The following C16orf90 variants were observed in gnomAD, a reference collection of about 807,000 sequenced individuals.
The protein encoded by C16orf90 is uncharacterized protein C16orf90.
Under a neutral mutation model 17.1 loss-of-function variants are expected in C16orf90, and 17 were observed. The ratio of observed to expected loss-of-function variants is 1.00; its 90% CI spans 0.68 to 1.49. The LOEUF is 1.49. Among genes scored for constraint, C16orf90 ranks in the 40% most tolerant of loss-of-function variants. The probability of loss-of-function intolerance (pLI) is 0.00; values close to 1 mark genes in which losing one functional copy is unlikely to be tolerated. For missense variants in C16orf90, 255 were observed against 235.5 expected (o/e 1.08, Z -0.54); for synonymous variants, 108 against 95.8 (o/e 1.13, Z -0.75).
chr16:3,493,950 G>A lies in C16orf90; in HGVS notation c.438C>T (p.Leu146=), dbSNP rs2037266312. The A allele has an allele frequency of 6.2e-7, 1 of 1,610,966 alleles. No individual in the cohort carries two copies. The highest frequency in any genetic ancestry group is 1.3e-5 in the African/African-American group (1 of 75,022). The change falls in exon 3 of 3, where the codon CTC becomes CTT. Residue 146 remains leucine (L), a synonymous_variant. Transcript: ENST00000437192. ...SSSMDPDKGA[L]PQPSPSRLRP... is the part of the protein sequence containing the mutation. ...TGAGCCTAGAAGGACTAGGCTGGGG[G>A]AGGGCACCCTTGTCTGGGTCCATGC...
chr16:3,494,968 A>G, intron 1 of C16orf90, 91 bp from the exon 2 acceptor site: 6 of 991,258 alleles, frequency 6.1e-6, no homozygotes, highest in Non-Finnish European at 2.9e-6. Context: ...ACCAGCTCAC[A>G]TGATGGGCTA....
chr16:3,494,915 C>T lies in C16orf90; in HGVS notation c.47-38G>A. The T allele has an allele frequency of 7.8e-6, 11 of 1,415,526 alleles. No individual in the cohort carries two copies. The South Asian group carries it at 1.3e-4, about 16-fold the overall frequency. The allele number at this position is 1,415,526 out of a possible 1,614,324, so 87.7% of individuals were successfully genotyped here. The stretch of plus-strand genomic sequence containing the variant: ...CAGCGGGAGGGTGGTGGCCAGCCCC[C>T]CACAGCAGCCATGAGGGGAGGGTGC... On this transcript the variant is annotated intron_variant, in intron 1 of 2. Transcript: ENST00000437192.
chr16:3,494,132 C>T lies in C16orf90; in HGVS notation c.401-145G>A, dbSNP rs1377187190. ...GCAATGCTTCCTCCTTAACAGAATC[C>T]CCAGGGGAGGGAGGAGGTTGAGGGA... is the stretch of plus-strand genomic sequence containing the variant. On this transcript the variant is annotated intron_variant, in intron 2 of 2. Transcript: ENST00000437192. The T allele has an allele frequency of 1.0e-5, 7 of 702,390 alleles. No homozygotes were observed. In the African/African-American group the frequency reaches 1.3e-4, roughly 13 times the overall value. The allele number at this position is 702,390 out of a possible 1,614,324, so 43.5% of individuals were successfully genotyped here.
In C16orf90 at chr16:3,495,360, C is replaced by A; in HGVS notation, c.46+16G>T. ...GCCTATCTCTCTTCCTGCCACTCCT[C>A]CCCACAGCCCGGCACCTTCTCTTAT... On this transcript the variant is annotated intron_variant, in intron 1 of 2. Transcript: ENST00000437192. 1 of 1,600,970 alleles carries A rather than the reference C, an allele frequency of 6.2e-7. No homozygotes were observed. Among genetic ancestry groups the A allele is most frequent in the Admixed American group, 1.7e-5 (1 of 58,528 alleles).
chr16:3,495,101 A>G (rs953711814), intron 1 of C16orf90, among the ~76,000 whole-genome samples: 3 of 152,212 alleles, frequency 2.0e-5, no homozygotes, highest in Non-Finnish European at 4.4e-5. Context: ...AGGCCTGGGA[A>G]GCCTCGGGCC....
chr16:3,496,647 T>C (rs2037314757), upstream of C16orf90: 12 of 533,236 alleles, frequency 2.3e-5, no homozygotes, highest in South Asian at 1.7e-4. Flanking sequence ...GGCCGACAGG[T>C]GTACCGGCAT....
chr16:3,496,340 G>A, upstream of C16orf90: 3 of 1,168,668 alleles, frequency 2.6e-6, no homozygotes, highest in South Asian at 3.6e-5. Context: ...ATTCAACCAG[G>A]TTGTGCTGAA....
upstream of C16orf90, among the ~76,000 whole-genome samples, chr16:3,496,040 C>G (rs997888303): frequency 4.6e-5 from 7 of 152,008 alleles, no homozygotes; most frequent in African/African-American, 1.7e-4. Context: ...ACTCAGGAGG[C>G]TGAGGCAGGA....
chr16:3,496,314 G>A (rs1596376939), upstream of C16orf90: 1 of 1,046,346 alleles, frequency 9.6e-7, no homozygotes, highest in East Asian at 3.2e-5. Flanking sequence ...TTACCGTCCA[G>A]ACGAACTAAC....
At chr16:3,495,310 G>A in intron 1 of C16orf90, 66 bp downstream of exon 1, 1 of 1,547,726 alleles carries the variant, frequency 6.5e-7, no homozygotes. Flanking sequence ...CCACCCCTCG[G>A]CTTTGGGCCC....
upstream of C16orf90, chr16:3,496,578 A>G (rs1449458283): frequency 7.4e-6 from 4 of 539,394 alleles, no homozygotes; most frequent in Non-Finnish European, 1.5e-5. Flanking sequence ...ACTTTCGATC[A>G]GCTGGCCCTG....
At chr16:3,494,912 C>A in intron 1 of C16orf90, 35 bp from the exon 2 acceptor site, 1 of 1,433,470 alleles carries the variant, frequency 7.0e-7, no homozygotes, top group South Asian at 1.4e-5. Flanking sequence ...GGTGGCCAGC[C>A]CCCCACAGCA....
At chr16:3,494,390 C>A in intron 2 of C16orf90, 134 bp downstream of exon 2, 1 of 722,876 alleles carries the variant, frequency 1.4e-6, no homozygotes. Flanking sequence ...GGGACAGATT[C>A]ATCAAGATCT....
Position 3,495,388 on chromosome 16 carries a change from G to A in C16orf90, c.34C>T (p.His12Tyr), listed in dbSNP as rs2037294652. ...EALVCAFSEL[H>Y]IREDAVSQAQ... The stretch of plus-strand genomic sequence containing the variant: ...CACAGCCCGGCACCTTCTCTTATGT[G>A]CAGCTCAGAAAATGCACAGACCAAG... The change falls in exon 1 of 3, where the codon CAC (histidine) becomes TAC (tyrosine). Residue 12 changes from histidine to tyrosine, a missense_variant. His to Tyr is a moderately conservative substitution (Grantham distance 83). Coordinates refer to ENST00000437192, the MANE Select transcript of C16orf90 (RefSeq NM_001080524.2). 1.2e-6 allele frequency: 2 copies of A among 1,609,142 alleles called. No homozygotes were observed. Among genetic ancestry groups the A allele is most frequent in the Non-Finnish European group, 8.5e-7 (1 of 1,177,734 alleles).
intron 2 of C16orf90, among the ~76,000 whole-genome samples, chr16:3,494,198 A>T (rs1309370822): frequency 6.6e-6 from 1 of 152,050 alleles, no homozygotes; most frequent in Admixed American, 6.6e-5. Flanking sequence ...TCTAACCTGA[A>T]CCCTCATTTT....
intron 1 of C16orf90, 150 bp from the exon 2 acceptor site, chr16:3,495,027 A>G: frequency 1.5e-6 from 1 of 662,130 alleles, no homozygotes; most frequent in Non-Finnish European, 2.5e-6. Flanking sequence ...AAATAGTCTC[A>G]GTCCACTGCC....
At chr16:3,495,757 G>T (rs2037300235), upstream of C16orf90, among the ~76,000 whole-genome samples, 1 of 152,166 alleles carries the variant, frequency 6.6e-6, no homozygotes, top group Non-Finnish European at 1.5e-5. Flanking sequence ...ATCTGGGGTG[G>T]GAAATGAGGG....
At chr16:3,496,616 C>T, upstream of C16orf90, 2 of 532,408 alleles carry the variant, frequency 3.8e-6, no homozygotes, top group Admixed American at 2.0e-5. Flanking sequence ...CGGCCCCGTC[C>T]TACTCTCCGG....
upstream of C16orf90, chr16:3,495,573 T>A (rs1284036375): frequency 1.4e-6 from 2 of 1,465,792 alleles, no homozygotes; most frequent in Non-Finnish European, 1.8e-6. Flanking sequence ...GACCCCTAGT[T>A]TGGGAGAGGA....
Sources: allele counts gnomAD v4.1 joint callset (sites outside exome capture counted in the v4.1 genomes callset), GRCh38; gene constraint gnomAD v4.1.1; transcripts MANE v1.5; gene names NCBI Gene and HGNC (gene_info 2026-07-23, HGNC 2026-07-21).